Variants in RAMP1 observed in about 807,000 individuals in gnomAD.
RAMP1 encodes receptor activity modifying protein 1, also known as receptor activity-modifying protein 1.
RAMP1 carries 7 observed loss-of-function variants against 8.2 expected under a neutral mutation model. The ratio of observed to expected loss-of-function variants is 0.85; its 90% confidence interval spans 0.49 to 1.60. The LOEUF (loss-of-function observed/expected upper bound fraction) is 1.60. Among genes scored for constraint, RAMP1 ranks in the 40% most tolerant of loss-of-function variants. The probability of loss-of-function intolerance (pLI) is 0.00; values close to 1 mark genes in which losing one functional copy is unlikely to be tolerated. For missense variants in RAMP1, 192 were observed against 202.4 expected, an observed-to-expected ratio of 0.95 and a Z score of 0.31; for synonymous variants, 92 against 84.7, an observed-to-expected ratio of 1.09 and a Z score of -0.47.
At position 237,878,016 on chromosome 2, in the gene RAMP1, G is replaced by A. The variant is rs1394303576; in HGVS notation, c.191+654G>A. 2.0e-6 allele frequency: 2 copies of A among 985,470 alleles called. No homozygotes were observed. The highest frequency in any genetic ancestry group is 2.4e-6 in the Non-Finnish European group (2 of 829,932). 61.0% of individuals were successfully genotyped at this position (985,470 alleles called of 1,614,324 possible). A position where few individuals can be genotyped will look rare whatever the true frequency, so the allele number is the denominator to read the frequency against. ...AGGCCCAGGCTCCTCTGCCTCCAGAGCGGCGATCAGAACTCGGCATGTCCG... is the reference window on the plus strand; with the variant it reads ...AGGCCCAGGCTCCTCTGCCTCCAGAACGGCGATCAGAACTCGGCATGTCCG... On this transcript the variant is annotated intron_variant, in intron 2 of 2. Coordinates refer to ENST00000254661, the MANE Select transcript of RAMP1 (RefSeq NM_005855.4). This position sits in a 1 kb window ranked among gnomAD's most constrained non-coding sequence, Gnocchi z 5.7.
At chr2:237,895,282 G>C (rs944435888) in intron 2 of RAMP1, among the ~76,000 whole-genome samples, 2 of 151,818 alleles carry the variant, frequency 1.3e-5, no homozygotes, top group Admixed American at 6.6e-5. Flanking sequence ...GGGGTCCTGT[G>C]GGGGGGTCAT....
chr2:237,875,190 CAG>C (rs2062289003), intron 1 of RAMP1, among the ~76,000 whole-genome samples: 1 of 152,090 alleles, frequency 6.6e-6, no homozygotes, highest in African/African-American at 2.4e-5. Context: ...GGGCAGGTGT[CAG>C]AAATAGCCCC....
At chr2:237,897,754 T>C (rs1447313867) in intron 2 of RAMP1, among the ~76,000 whole-genome samples, 1 of 133,814 alleles carries the variant, frequency 7.5e-6, no homozygotes, top group Non-Finnish European at 1.6e-5. Flanking sequence ...GTCATTCTTC[T>C]TTTTTTGTTT....
At chr2:237,882,515 G>T (rs1468721233) in intron 2 of RAMP1, among the ~76,000 whole-genome samples, 1 of 152,184 alleles carries the variant, frequency 6.6e-6, no homozygotes, top group African/African-American at 2.4e-5. Flanking sequence ...GCTCCCTCCT[G>T]GTTCCCGGCG....
Position 237,877,036 on chromosome 2 carries a change from G to A in RAMP1, c.53-188G>A, listed in dbSNP as rs2151008670. Among the ~76,000 whole-genome samples, 1 of 152,334 alleles carries A rather than the reference G, an allele frequency of 6.6e-6. No homozygotes were observed. The highest frequency in any genetic ancestry group is 2.1e-4 in the South Asian group (1 of 4,830). The stretch of plus-strand genomic sequence containing the variant: ...GGCCAAGCCACCCTTAGCAGGCAGG[G>A]AGGGCCTTTGCCAGGTCACAGAACA... On this transcript the variant is annotated intron_variant, in intron 1 of 2. Transcript: ENST00000254661. The surrounding 1 kb of genome is among the most constrained non-coding windows in gnomAD (Gnocchi z 4.4).
chr2:237,899,290 C>G (rs1036586782), intron 2 of RAMP1, among the ~76,000 whole-genome samples: 1 of 152,244 alleles, frequency 6.6e-6, no homozygotes, highest in Admixed American at 6.5e-5. Flanking sequence ...AGGCTGGTCG[C>G]GAACTCCTGA....
At chr2:237,863,416 CCT>C (rs1460726796) in intron 1 of RAMP1, among the ~76,000 whole-genome samples, 1 of 152,208 alleles carries the variant, frequency 6.6e-6, no homozygotes, top group African/African-American at 2.4e-5. Flanking sequence ...TGTCCCCAGT[CCT>C]CTCTGCTCCA....
intron 2 of RAMP1, among the ~76,000 whole-genome samples, chr2:237,910,679 C>A (rs2062703030): frequency 2.0e-5 from 3 of 148,322 alleles, no homozygotes; most frequent in African/African-American, 7.5e-5. Flanking sequence ...GGAATAACAG[C>A]CACTCACAGA....
chr2:237,877,880 C>T lies in RAMP1; in HGVS notation c.191+518C>T. The T allele has an allele frequency of 1.1e-6, 1 of 888,098 alleles. No homozygotes were observed. Among genetic ancestry groups the T allele is most frequent in the Non-Finnish European group, 1.3e-6 (1 of 741,300 alleles). The allele number at this position is 888,098 out of a possible 1,614,324, so 55.0% of individuals were successfully genotyped here. On this transcript the variant is annotated intron_variant, in intron 2 of 2. Transcript: ENST00000254661. The surrounding 1 kb of genome is among the most constrained non-coding windows in gnomAD (Gnocchi z 4.4). Reference sequence around the variant, plus strand: ...TCAGCCGAACCCTTCCCCACCTGGCCCGATCCTCCTGCCCAAGGGCCCTTC... The same window carrying T: ...TCAGCCGAACCCTTCCCCACCTGGCTCGATCCTCCTGCCCAAGGGCCCTTC...
intron 2 of RAMP1, among the ~76,000 whole-genome samples, chr2:237,904,769 G>A (rs1285364451): frequency 6.6e-6 from 1 of 152,196 alleles, no homozygotes; most frequent in African/African-American, 2.4e-5. Flanking sequence ...GTGAGGACCT[G>A]TATCTTTATC....
chr2:237,901,749 T>C (rs1038671996), intron 2 of RAMP1, among the ~76,000 whole-genome samples: 8 of 151,954 alleles, frequency 5.3e-5, no homozygotes, highest in Non-Finnish European at 1.2e-4. Context: ...GGAGAGCCCG[T>C]GGTAGCTAAG....
intron 2 of RAMP1, among the ~76,000 whole-genome samples, chr2:237,897,514 G>A (rs1194999797): frequency 1.3e-5 from 2 of 152,166 alleles, no homozygotes; most frequent in Non-Finnish European, 2.9e-5. Context: ...TTTCTTTGGT[G>A]CGTTATTCAT....
chr2:237,870,941 C>T (rs770990436), intron 1 of RAMP1, among the ~76,000 whole-genome samples: 13 of 152,160 alleles, frequency 8.5e-5, no homozygotes, highest in Non-Finnish European at 1.6e-4. Flanking sequence ...GCTCTGAGCC[C>T]GAGAGAGGGG....
At chr2:237,895,894 TC>T (rs2062537926) in intron 2 of RAMP1, among the ~76,000 whole-genome samples, 1 of 152,120 alleles carries the variant, frequency 6.6e-6, no homozygotes, top group African/African-American at 2.4e-5. Context: ...CACACCCATG[TC>T]CCCGTGAGGT....
chr2:237,873,941 G>A (rs1224815890), intron 1 of RAMP1, among the ~76,000 whole-genome samples: 1 of 152,234 alleles, frequency 6.6e-6, no homozygotes, highest in Non-Finnish European at 1.5e-5. Flanking sequence ...GGCTCCCATA[G>A]GGCGGGAAAG....
chr2:237,909,619 G>T (rs150677771), intron 2 of RAMP1, among the ~76,000 whole-genome samples: 295 of 152,268 alleles, frequency 1.9e-3, no homozygotes, highest in South Asian at 3.3e-3. Context: ...TCTACCCACG[G>T]CCAGTGATGT....
At chr2:237,885,379 G>C (rs747790296) in intron 2 of RAMP1, among the ~76,000 whole-genome samples, 18 of 152,232 alleles carry the variant, frequency 1.2e-4, no homozygotes, top group Non-Finnish European at 2.4e-4. Context: ...CCACCTCCCT[G>C]AGGCCTGTCG....
rs2062183497 is a variant in RAMP1, at chr2:237,865,940, A to C, written c.52+6213A>C. Among the ~76,000 whole-genome samples the C allele has an allele frequency of 6.6e-6, 1 of 152,224 alleles. No individual in the cohort carries two copies. The highest frequency in any genetic ancestry group is 1.5e-5 in the Non-Finnish European group (1 of 68,034). ...CAGCGAGGAGGTGAAACCAGAGAGC[A>C]TGCCTGTGTAGGTTTCCTCCAGTGC... is the stretch of plus-strand genomic sequence containing the variant. On this transcript the variant is annotated intron_variant, in intron 1 of 2. Transcript: ENST00000254661. This position sits in a 1 kb window ranked among gnomAD's most constrained non-coding sequence, Gnocchi z 4.2.
At chr2:237,880,196 T>C (rs1218497013) in intron 2 of RAMP1, among the ~76,000 whole-genome samples, 1 of 151,990 alleles carries the variant, frequency 6.6e-6, no homozygotes, top group African/African-American at 2.4e-5. Flanking sequence ...ACAGACAGAA[T>C]TGGTGACACT....
Sources: gnomAD v4.1 joint callset for allele counts (sites outside exome capture counted in the v4.1 genomes callset) on GRCh38, gnomAD v4.1.1 for gene constraint, Gnocchi (gnomAD v3.1) non-coding constraint, MANE v1.5 for transcripts, NCBI Gene and HGNC (gene_info 2026-07-23, HGNC 2026-07-21) for gene names.